Variants in WDR5 observed in about 807,000 individuals in gnomAD.
The protein encoded by WDR5 is WD repeat domain 5, also known as WD repeat-containing protein 5.
For synonymous variants in WDR5, 144 were observed against 161.6 expected, an observed-to-expected ratio of 0.89 and a Z score of 0.83; for missense variants, 187 against 416.9, an observed-to-expected ratio of 0.45 and a Z score of 4.80.
rs752428570 is a variant in WDR5, at chr9:134,155,384, G to A, written c.741+11G>A. 1.9e-6 allele frequency: 3 copies of A among 1,600,596 alleles called. No homozygotes were observed. Among genetic ancestry groups the A allele is most frequent in the Non-Finnish European group, 1.7e-6 (2 of 1,174,242 alleles). On this transcript the variant is annotated intron_variant, in intron 11 of 13. Transcript: ENST00000358625. Reference sequence around the variant, plus strand: ...TACAGCAAGGGGAAGGTGAGCCCCCGCAGGCTTGGGCCCCCATGGTGCACC... The same window carrying A: ...TACAGCAAGGGGAAGGTGAGCCCCCACAGGCTTGGGCCCCCATGGTGCACC...
intron 3 of WDR5, among the ~76,000 whole-genome samples, chr9:134,141,247 C>T (rs1416740421): frequency 6.6e-6 from 1 of 152,154 alleles, no homozygotes; most frequent in Non-Finnish European, 1.5e-5. Flanking sequence ...GATCATGCCA[C>T]TGCACTCCAG....
chr9:134,157,789 A>G lies in WDR5; in HGVS notation c.905-104A>G. The G allele has an allele frequency of 9.4e-7, 1 of 1,060,514 alleles. No homozygotes were observed. Among genetic ancestry groups the G allele is most frequent in the Non-Finnish European group, 1.4e-6 (1 of 708,702 alleles). 65.7% of individuals were successfully genotyped at this position (1,060,514 alleles called of 1,614,324 possible). On this transcript the variant is annotated intron_variant, in intron 13 of 13. Transcript: ENST00000358625. The surrounding 1 kb of genome is among the most constrained non-coding windows in gnomAD (Gnocchi z 5.0). ...TCCTGTGACCTCCCAGGTGGCGGGC[A>G]GGCGCTACCCGCGTTTCTGGAGAAA... is the stretch of plus-strand genomic sequence containing the variant.
chr9:134,140,997 T>G (rs1831857977), intron 3 of WDR5, among the ~76,000 whole-genome samples, 186 bp downstream of exon 3: 1 of 152,058 alleles, frequency 6.6e-6, no homozygotes, highest in East Asian at 1.9e-4. Context: ...AAATTGCCCG[T>G]GGGGGGCCAG....
intron 7 of WDR5, among the ~76,000 whole-genome samples, chr9:134,144,408 C>T (rs34929179): frequency 0.011 from 1,657 of 152,308 alleles, 19 homozygotes; most frequent in Middle Eastern, 0.024. Context: ...GAAAGGGGTT[C>T]GCTGGTGGCC....
In WDR5 at chr9:134,150,502, T is replaced by C. The variant is rs539012137; in HGVS notation, c.585-1481T>C. On this transcript the variant is annotated intron_variant, in intron 8 of 13. Transcript: ENST00000358625. ...AAACTCTTTCTATGAAAATCAGAAGTGGGACAGGTGTGCTTGGTTCCCATG... is the reference window on the plus strand; with the variant it reads ...AAACTCTTTCTATGAAAATCAGAAGCGGGACAGGTGTGCTTGGTTCCCATG... 3.3e-3 allele frequency among the ~76,000 whole-genome samples: 508 copies of C among 152,182 alleles called. 1 individual carries two copies. The highest frequency in any genetic ancestry group is 6.3e-3 in the Non-Finnish European group (430 of 68,026).
At chr9:134,142,847 T>G (rs1039528636) in intron 7 of WDR5, 128 bp downstream of exon 7, 2 of 923,874 alleles carry the variant, frequency 2.2e-6, no homozygotes, top group African/African-American at 1.6e-5. Flanking sequence ...CCTGCTGTCA[T>G]GCCACAGTCT....
intron 10 of WDR5, among the ~76,000 whole-genome samples, chr9:134,155,135 C>G (rs752395156): frequency 8.5e-5 from 13 of 152,344 alleles, no homozygotes; most frequent in Non-Finnish European, 1.6e-4. Flanking sequence ...CAAATACTTG[C>G]GGCTGTCACA....
rs1312656833 is a variant in WDR5 at position 134,140,953 on chromosome 9, TCTC to T, written c.190+148_190+150del. ...GGGGGGCACGTAGCAGGCGGGTGTGTCTCCTCCTGGAACTGTGAGCTCAGTGCT... is the reference window on the plus strand; with the variant it reads ...GGGGGGCACGTAGCAGGCGGGTGTGTCTCCTGGAACTGTGAGCTCAGTGCT... On this transcript the variant is annotated intron_variant, in intron 3 of 13. Coordinates refer to ENST00000358625, the MANE Select transcript of WDR5 (RefSeq NM_017588.3). 4.1e-5 allele frequency: 31 copies of T among 760,918 alleles called. No homozygotes were observed. The African/African-American group carries it at 4.6e-4, about 11-fold the overall frequency. The allele number at this position is 760,918 out of a possible 1,614,324, so 47.1% of individuals were successfully genotyped here. A position where few individuals can be genotyped will look rare whatever the true frequency, so the allele number is the denominator to read the frequency against.
At chr9:134,156,706 C>A in intron 13 of WDR5, 113 bp downstream of exon 13, 1 of 1,031,698 alleles carries the variant, frequency 9.7e-7, no homozygotes, top group Non-Finnish European at 1.4e-6. Flanking sequence ...CCCACCTCAG[C>A]CCTCCGCTGG....
At chr9:134,142,284 C>A (rs761419926) in intron 5 of WDR5, 49 bp from the exon 6 acceptor site, 3 of 1,573,262 alleles carry the variant, frequency 1.9e-6, no homozygotes, top group Non-Finnish European at 2.6e-6. Flanking sequence ...CTGACTCTTA[C>A]GTTTGGGGAA....
intron 7 of WDR5, among the ~76,000 whole-genome samples, chr9:134,144,175 C>T (rs534581480): frequency 5.3e-5 from 8 of 152,344 alleles, no homozygotes; most frequent in East Asian, 1.9e-4. Flanking sequence ...GTCTGAGCCC[C>T]GCACATAGCT....
At chr9:134,141,342 G>T (rs1026718868) in intron 3 of WDR5, among the ~76,000 whole-genome samples, 168 bp from the exon 4 acceptor site, 1 of 152,134 alleles carries the variant, frequency 6.6e-6, no homozygotes, top group Non-Finnish European at 1.5e-5. Flanking sequence ...GGGAGGGAGG[G>T]GAAGGGGACT....
intron 1 of WDR5, among the ~76,000 whole-genome samples, chr9:134,138,559 A>G (rs1464629481): frequency 6.6e-6 from 1 of 152,228 alleles, no homozygotes; most frequent in Non-Finnish European, 1.5e-5. Context: ...GGGCAGCGCT[A>G]CAGGGCCTGC....
intron 1 of WDR5, among the ~76,000 whole-genome samples, chr9:134,137,095 A>G (rs1424573845): frequency 2.6e-5 from 4 of 152,128 alleles, no homozygotes; most frequent in African/African-American, 4.8e-5. Context: ...TTCTGACTGC[A>G]TGTCACAGGC....
At chr9:134,156,987 C>T (rs1034804896) in intron 13 of WDR5, among the ~76,000 whole-genome samples, 2 of 152,194 alleles carry the variant, frequency 1.3e-5, no homozygotes, top group African/African-American at 4.8e-5. Flanking sequence ...GTTCCCTCTC[C>T]CAGAGAGACC....
At chr9:134,149,513 C>T (rs1244888282) in intron 8 of WDR5, among the ~76,000 whole-genome samples, 1 of 152,168 alleles carries the variant, frequency 6.6e-6, no homozygotes, top group Non-Finnish European at 1.5e-5. Context: ...ACAGGGTGAG[C>T]TATGGGCGAG....
chr9:134,140,261 G>A (rs146471906), intron 2 of WDR5, among the ~76,000 whole-genome samples: 96 of 152,262 alleles, frequency 6.3e-4, no homozygotes, highest in Admixed American at 1.8e-3. Flanking sequence ...CGATCCTGAC[G>A]CACAGGCAGT....
chr9:134,156,068 G>C (rs1249893404), intron 12 of WDR5, among the ~76,000 whole-genome samples: 2 of 152,250 alleles, frequency 1.3e-5, no homozygotes, highest in Non-Finnish European at 2.9e-5. Flanking sequence ...GGTGTCCCTG[G>C]GTGGGTGCGC....
At position 134,156,565 on chromosome 9, in the gene WDR5, G is replaced by C. The variant is rs768459723; in HGVS notation, c.876G>C (p.Glu292Asp). The C allele has an allele frequency of 1.8e-5, 29 of 1,614,242 alleles. 1 individual carries two copies. Among genetic ancestry groups the C allele is most frequent in the Non-Finnish European group, 4.2e-6 (5 of 1,180,044 alleles). ...ACATCTGGAACCTTCAGACGAAAGA[G>C]ATTGTACAGAAACTACAAGGCCACA... ...LVYIWNLQTK[E>D]IVQKLQGHTD... The change falls in exon 13 of 14, where the codon GAG becomes GAC. Residue 292 changes from glutamate (E) to aspartate (D), a missense_variant. Physicochemically the swap from Glu to Asp is conservative, Grantham distance 45 (BLOSUM62 2). Transcript: ENST00000358625.
Sources: allele counts gnomAD v4.1 joint callset (sites outside exome capture counted in the v4.1 genomes callset), GRCh38; gene constraint gnomAD v4.1.1; non-coding constraint Gnocchi (gnomAD v3.1); transcripts MANE v1.5; gene names NCBI Gene and HGNC (gene_info 2026-07-23, HGNC 2026-07-21).